DPP10: variants seen among roughly 807,000 people sequenced by gnomAD.
DPP10 encodes dipeptidyl peptidase like 10.
DPP10 carries 33 observed loss-of-function variants against 120.9 expected under a neutral mutation model. That is an observed-to-expected ratio of 0.27 (90% CI 0.21 to 0.37). The LOEUF is 0.37. DPP10 is among the 10% of genes least tolerant of loss of function. The pLI is 1.00. For synonymous variants in DPP10, 337 were observed against 326.1 expected (o/e 1.03, Z -0.36); for missense variants, 816 against 942.8 (o/e 0.87, Z 1.76).
intron 3 of DPP10, among the ~76,000 whole-genome samples, chr2:115,420,590 A>G (rs949638331): frequency 3.3e-5 from 5 of 152,222 alleles, no homozygotes; most frequent in African/African-American, 1.2e-4. Context: ...AAAATATAAT[A>G]TGGTTATAGC....
intron 5 of DPP10, among the ~76,000 whole-genome samples, chr2:115,624,926 G>A (rs1356999404): frequency 6.6e-6 from 1 of 152,098 alleles, no homozygotes; most frequent in Non-Finnish European, 1.5e-5. Flanking sequence ...GTTAGATGGG[G>A]TTATAACTGG....
At chr2:114,669,312 T>C (rs567759838) in intron 1 of DPP10, among the ~76,000 whole-genome samples, 1 of 152,282 alleles carries the variant, frequency 6.6e-6, no homozygotes, top group South Asian at 2.1e-4. Flanking sequence ...AGCATTTGTG[T>C]AATTTTGAAA....
chr2:115,404,335 C>G (rs529784691), intron 3 of DPP10, among the ~76,000 whole-genome samples: 49 of 152,198 alleles, frequency 3.2e-4, no homozygotes, highest in Non-Finnish European at 5.9e-4. Context: ...ACAGGATGGT[C>G]CTACTCATGA....
At chr2:115,202,917 G>A (rs2055843002) in intron 1 of DPP10, among the ~76,000 whole-genome samples, 1 of 152,052 alleles carries the variant, frequency 6.6e-6, no homozygotes. Flanking sequence ...ACTGCCTAAT[G>A]GGCAAAATTC....
chr2:114,690,124 T>C (rs1235530405), intron 1 of DPP10, among the ~76,000 whole-genome samples: 1 of 152,122 alleles, frequency 6.6e-6, no homozygotes, highest in Non-Finnish European at 1.5e-5. Context: ...TTGTTGCAAT[T>C]GCTTTTGTTG....
chr2:114,898,820 A>G (rs1227708698), intron 1 of DPP10, among the ~76,000 whole-genome samples: 1 of 152,192 alleles, frequency 6.6e-6, no homozygotes, highest in Non-Finnish European at 1.5e-5. Flanking sequence ...AGAAAAGAAC[A>G]GGGTTTTATT....
rs1286030319 is a variant in DPP10 at position 115,360,758 on chromosome 2, C to T, written c.271+16846C>T. ...GCCAAAGGTTAGGTTGGCAGGAGACCCGTAGTCCCCTAGGGGCCTGCTATA... is the reference window on the plus strand; with the variant it reads ...GCCAAAGGTTAGGTTGGCAGGAGACTCGTAGTCCCCTAGGGGCCTGCTATA... On this transcript the variant is annotated intron_variant, in intron 3 of 25. Transcript: ENST00000410059. Among the ~76,000 whole-genome samples, 44 of 152,136 alleles carry T rather than the reference C, an allele frequency of 2.9e-4. 1 individual carries two copies. Among genetic ancestry groups the T allele is most frequent in the Admixed American group, 2.8e-3 (43 of 15,272 alleles).
intron 3 of DPP10, among the ~76,000 whole-genome samples, chr2:115,406,454 C>T (rs1374984424): frequency 6.6e-6 from 1 of 151,980 alleles, no homozygotes; most frequent in Admixed American, 6.6e-5. Flanking sequence ...GAATATTATT[C>T]TACTTAAATG....
At chr2:115,762,982 G>A (rs1680293635) in intron 12 of DPP10, among the ~76,000 whole-genome samples, 1 of 152,156 alleles carries the variant, frequency 6.6e-6, no homozygotes, top group Non-Finnish European at 1.5e-5. Flanking sequence ...TGATCATGGA[G>A]ATATTCAAAT....
chr2:115,626,469 C>T (rs2085369889), intron 5 of DPP10, among the ~76,000 whole-genome samples: 1 of 152,032 alleles, frequency 6.6e-6, no homozygotes, highest in South Asian at 2.1e-4. Context: ...TTCAATATTA[C>T]CATTTCCCCA....
At chr2:115,551,829 A>G (rs1182539690) in intron 5 of DPP10, among the ~76,000 whole-genome samples, 1 of 152,162 alleles carries the variant, frequency 6.6e-6, no homozygotes, top group Non-Finnish European at 1.5e-5. Flanking sequence ...TACAACAACT[A>G]GAAATCTTTT....
At chr2:114,735,696 T>G (rs1677360863) in intron 1 of DPP10, among the ~76,000 whole-genome samples, 2 of 152,120 alleles carry the variant, frequency 1.3e-5, no homozygotes, top group African/African-American at 4.8e-5. Flanking sequence ...AAGAGGAACT[T>G]TGCAGGCATT....
At chr2:115,541,949 A>G (rs141054707) in intron 5 of DPP10, among the ~76,000 whole-genome samples, 2 of 152,096 alleles carry the variant, frequency 1.3e-5, no homozygotes, top group African/African-American at 4.8e-5. Context: ...AAATTTGCAA[A>G]TGAGTATAGA....
intron 3 of DPP10, among the ~76,000 whole-genome samples, chr2:115,424,083 C>T (rs2070234956): frequency 6.6e-6 from 1 of 152,092 alleles, no homozygotes; most frequent in South Asian, 2.1e-4. Context: ...AACTTTCCTC[C>T]AACCTGGTCA....
chr2:115,320,931 T>C (rs191324801), intron 2 of DPP10, among the ~76,000 whole-genome samples: 1 of 152,292 alleles, frequency 6.6e-6, no homozygotes, highest in East Asian at 1.9e-4. Flanking sequence ...TCCTCAGCTT[T>C]TGTTTATCAG....
Position 115,468,570 on chromosome 2 carries a change from T to C in DPP10, c.272-30940T>C, listed in dbSNP as rs951717680. 1.5e-5 allele frequency: 6 copies of C among 404,192 alleles called. No homozygotes were observed. The East Asian group carries it at 3.2e-4, about 22-fold the overall frequency. 25.0% of individuals were successfully genotyped at this position (404,192 alleles called of 1,614,324 possible). A position where few individuals can be genotyped will look rare whatever the true frequency, so the allele number is the denominator to read the frequency against. On this transcript the variant is annotated intron_variant, in intron 3 of 25. Coordinates refer to ENST00000410059, the MANE Select transcript of DPP10 (RefSeq NM_020868.6). ...AGGAGCTCACTCAGTGGGGCTAATG[T>C]GGTTGATGGTGGCCCGGGGAGTTCT...
rs560781388 is a variant in DPP10 at position 115,417,130 on chromosome 2, A to G, written c.271+73218A>G. Among the ~76,000 whole-genome samples, 3 of 152,290 alleles carry G rather than the reference A, an allele frequency of 2.0e-5. No individual in the cohort carries two copies. In the South Asian group the frequency reaches 6.2e-4, roughly 32 times the overall value. On this transcript the variant is annotated intron_variant, in intron 3 of 25. Transcript: ENST00000410059. ...TGAAGAATGGATGTTAGATTCAGGT[A>G]TATATTTTTGAAGTTAAATGGCCCT... is the stretch of plus-strand genomic sequence containing the variant.
At chr2:114,733,941 T>G (rs1048265939) in intron 1 of DPP10, among the ~76,000 whole-genome samples, 1 of 152,168 alleles carries the variant, frequency 6.6e-6, no homozygotes, top group Non-Finnish European at 1.5e-5. Context: ...AAGTGAGGAC[T>G]AAGCTCTGAT....
intron 1 of DPP10, among the ~76,000 whole-genome samples, chr2:114,487,218 T>G (rs1681592445): frequency 6.6e-6 from 1 of 152,216 alleles, no homozygotes. Flanking sequence ...GGATAGTTGC[T>G]TTTGACAAGG....
Sources: allele counts gnomAD v4.1 joint callset (sites outside exome capture counted in the v4.1 genomes callset), GRCh38; gene constraint gnomAD v4.1.1; transcripts MANE v1.5; gene names NCBI Gene and HGNC (gene_info 2026-07-23, HGNC 2026-07-21).